The following SLC39A14 variants were observed in gnomAD, a reference collection of about 807,000 sequenced individuals.
SLC39A14 encodes solute carrier family 39 member 14.
Under a neutral mutation model 45.5 loss-of-function variants are expected in SLC39A14, and 19 were observed. The observed-to-expected ratio is 0.42, with a 90% CI of 0.29 to 0.61. SLC39A14 has a LOEUF of 0.61. Ranked by LOEUF, SLC39A14 falls within the 20% of genes least tolerant of loss-of-function variation. The pLI is 0.22. For missense variants in SLC39A14, 447 were observed against 616.5 expected, an observed-to-expected ratio of 0.73 and a Z score of 2.91; for synonymous variants, 264 against 251.3, an observed-to-expected ratio of 1.05 and a Z score of -0.48.
intron 1 of SLC39A14, among the ~76,000 whole-genome samples, chr8:22,368,214 C>A (rs186225490): frequency 6.6e-6 from 1 of 152,252 alleles, no homozygotes; most frequent in African/African-American, 2.4e-5. Context: ...TCTTGTGGCC[C>A]GAATGGAAGC....
chr8:22,401,399 C>T (rs1291679999), intron 1 of SLC39A14, among the ~76,000 whole-genome samples: 1 of 152,158 alleles, frequency 6.6e-6, no homozygotes, highest in East Asian at 1.9e-4. Flanking sequence ...TCATTTTCCC[C>T]TCTGGATAAT....
chr8:22,399,446 A>G (rs554622408), intron 1 of SLC39A14, among the ~76,000 whole-genome samples: 5 of 152,278 alleles, frequency 3.3e-5, no homozygotes, highest in African/African-American at 9.6e-5. Context: ...CAGCTCCTAG[A>G]TCCTCCCCAA....
In SLC39A14 at chr8:22,419,860, G is replaced by A. The variant is rs1836127123; in HGVS notation, c.*162G>A. 1.0e-5 allele frequency: 14 copies of A among 1,348,612 alleles called. No homozygotes were observed. In the East Asian group the frequency reaches 2.7e-4, roughly 26 times the overall value. The allele number at this position is 1,348,612 out of a possible 1,614,324, so 83.5% of individuals were successfully genotyped here. A position where few individuals can be genotyped will look rare whatever the true frequency, so the allele number is the denominator to read the frequency against. On this transcript the variant is annotated 3_prime_UTR_variant, in exon 9 of 9. Coordinates refer to ENST00000381237, the MANE Select transcript of SLC39A14 (RefSeq NM_001128431.4). ...AAATGTCAGCCGTTTGTAAAATGCTGTATCCTAGGAATAAGCTGCCCTGGT... is the reference window on the plus strand; with the variant it reads ...AAATGTCAGCCGTTTGTAAAATGCTATATCCTAGGAATAAGCTGCCCTGGT...
chr8:22,410,136 G>T, intron 3 of SLC39A14: 2 of 1,613,570 alleles, frequency 1.2e-6, no homozygotes, highest in Non-Finnish European at 1.7e-6. Flanking sequence ...ACAGAAACTT[G>T]CGCGTCCTCT....
At chr8:22,369,188 A>G (rs565336862) in intron 1 of SLC39A14, among the ~76,000 whole-genome samples, 2 of 152,246 alleles carry the variant, frequency 1.3e-5, no homozygotes, top group South Asian at 4.2e-4. Context: ...GGTCCTCTGG[A>G]TACTGTCTCT....
chr8:22,390,686 A>C (rs540059705), intron 1 of SLC39A14: 2 of 159,310 alleles, frequency 1.3e-5, no homozygotes, highest in African/African-American at 4.9e-5. Context: ...TGGTGGTTCC[A>C]GCTGAAAGGC....
intron 1 of SLC39A14, among the ~76,000 whole-genome samples, chr8:22,395,047 G>T (rs997510908): frequency 1.3e-5 from 2 of 148,782 alleles, no homozygotes; most frequent in Admixed American, 6.7e-5. Context: ...GTCTCACTCT[G>T]TCGCCAGCCT....
At chr8:22,404,071 T>C (rs113118861) in intron 1 of SLC39A14, among the ~76,000 whole-genome samples, 47,216 of 151,714 alleles carry the variant, frequency 0.31, 10,109 homozygotes, top group African/African-American at 0.62. Flanking sequence ...TTTGAAGCAG[T>C]CCCCAGATAT....
chr8:22,395,953 G>A (rs993176238), intron 1 of SLC39A14, among the ~76,000 whole-genome samples: 1 of 152,166 alleles, frequency 6.6e-6, no homozygotes, highest in African/African-American at 2.4e-5. Context: ...CCTGTTTTCT[G>A]TAGCCTGAAG....
At chr8:22,386,220 C>T (rs1053450834) in intron 1 of SLC39A14, among the ~76,000 whole-genome samples, 8 of 151,732 alleles carry the variant, frequency 5.3e-5, no homozygotes, top group Non-Finnish European at 1.2e-4. Flanking sequence ...GCTGGGATTA[C>T]AGGCGTGAGC....
chr8:22,405,572 C>T (rs1333277918), intron 2 of SLC39A14, among the ~76,000 whole-genome samples: 1 of 152,188 alleles, frequency 6.6e-6, no homozygotes, highest in East Asian at 1.9e-4. Flanking sequence ...CAGAATCTTC[C>T]TCAGCGCCGC....
At position 22,414,820 on chromosome 8, in the gene SLC39A14, A is replaced by C; in HGVS notation, c.668A>C (p.Lys223Thr). 1 of 1,612,706 alleles carries C rather than the reference A, an allele frequency of 6.2e-7. No individual in the cohort carries two copies. Among genetic ancestry groups the C allele is most frequent in the Non-Finnish European group, 8.5e-7 (1 of 1,179,698 alleles). Residue 223 changes from lysine to threonine, a missense_variant, in exon 5 of 9, where the codon AAG becomes ACG. Lys to Thr is a moderately conservative substitution (Grantham distance 78). Coordinates refer to ENST00000381237, the MANE Select transcript of SLC39A14 (RefSeq NM_001128431.4). ...FNPLEDYYVS[K>T]SAVVFGGFYL... The stretch of plus-strand genomic sequence containing the variant: ...CCTCTGGAAGATTATTATGTCTCCA[A>C]GTCTGCAGTGGTGTTTGGGGGCTTT...
intron 1 of SLC39A14, among the ~76,000 whole-genome samples, chr8:22,399,065 C>T (rs750922651): frequency 2.0e-4 from 31 of 152,298 alleles, no homozygotes; most frequent in Admixed American, 2.6e-4. Context: ...CAGCACACTT[C>T]GTTTTGTCTC....
Position 22,420,043 on chromosome 8 carries a change from C to T in SLC39A14, c.*345C>T, listed in dbSNP as rs145726803. 2.0e-6 allele frequency: 2 copies of T among 1,022,140 alleles called. No individual in the cohort carries two copies. The highest frequency in any genetic ancestry group is 2.3e-6 in the Non-Finnish European group (2 of 853,680). The allele number at this position is 1,022,140 out of a possible 1,614,324, so 63.3% of individuals were successfully genotyped here. A position where few individuals can be genotyped will look rare whatever the true frequency, so the allele number is the denominator to read the frequency against. ...TGCTGAAAGGTTTTGAATCCTTTAC[C>T]CAACAATGCAAAAATAGAGCCAATG... On this transcript the variant is annotated 3_prime_UTR_variant, in exon 9 of 9. Transcript: ENST00000381237.
intron 1 of SLC39A14, among the ~76,000 whole-genome samples, chr8:22,380,508 G>C (rs1475880340): frequency 6.6e-6 from 1 of 152,144 alleles, no homozygotes; most frequent in East Asian, 1.9e-4. Context: ...CCGAGATGAG[G>C]CCTCAGTGTT....
At chr8:22,427,977 A>G (rs10094778) in intron 8 of SLC39A14, among the ~76,000 whole-genome samples, 78,632 of 151,888 alleles carry the variant, frequency 0.52, 23,007 homozygotes, top group African/African-American at 0.8. Context: ...AGACCAGCCC[A>G]GGCAACAGTG....
At chr8:22,417,587 C>A in intron 7 of SLC39A14, 64 bp from the exon 8 acceptor site, 3 of 1,350,682 alleles carry the variant, frequency 2.2e-6, no homozygotes, top group South Asian at 2.6e-5. Context: ...GACAGGTGTG[C>A]ATTCACCATG....
chr8:22,421,137 A>C lies in SLC39A14; in HGVS notation c.*1439A>C. 2 of 985,878 alleles carry C rather than the reference A, an allele frequency of 2.0e-6. No individual in the cohort carries two copies. The highest frequency in any genetic ancestry group is 2.4e-6 in the Non-Finnish European group (2 of 829,932). The allele number at this position is 985,878 out of a possible 1,614,324, so 61.1% of individuals were successfully genotyped here. Reference sequence around the variant, plus strand: ...CACTTTGGGGAGCCTGTCTCTCCAGAAGCCTTTCTTAGTGGTGCCCACAGT... The same window carrying C: ...CACTTTGGGGAGCCTGTCTCTCCAGCAGCCTTTCTTAGTGGTGCCCACAGT... On this transcript the variant is annotated 3_prime_UTR_variant, in exon 9 of 9. Transcript: ENST00000381237.
intron 1 of SLC39A14, among the ~76,000 whole-genome samples, chr8:22,401,801 G>T (rs547345241): frequency 1.3e-5 from 2 of 151,948 alleles, no homozygotes; most frequent in African/African-American, 4.8e-5. Context: ...CTCCCGAAGC[G>T]CTGGGATTAC....
Sources: gnomAD v4.1 joint callset for allele counts (sites outside exome capture counted in the v4.1 genomes callset) on GRCh38, gnomAD v4.1.1 for gene constraint, MANE v1.5 for transcripts, NCBI Gene and HGNC (gene_info 2026-07-23, HGNC 2026-07-21) for gene names.